DUSP10: variants seen among roughly 807,000 people sequenced by gnomAD.
DUSP10 encodes dual specificity phosphatase 10.
In DUSP10, 14 loss-of-function variants were observed where a neutral mutation model predicts 30.8. The observed-to-expected ratio is 0.46, with a 90% CI of 0.30 to 0.71. DUSP10 has a LOEUF of 0.71. DUSP10 is among the 30% of genes least tolerant of loss of function. DUSP10 has a pLI of 0.08. For synonymous variants in DUSP10, 254 were observed against 250.4 expected (o/e 1.01, Z -0.14); for missense variants, 550 against 619.4 (o/e 0.89, Z 1.19).
intron 2 of DUSP10, among the ~76,000 whole-genome samples, chr1:221,711,338 ACAG>A (rs1438041821): frequency 6.6e-6 from 1 of 152,218 alleles, no homozygotes; most frequent in Non-Finnish European, 1.5e-5. Flanking sequence ...CTAAAGGTGG[ACAG>A]CCCTTTTTGG....
chr1:221,728,100 G>A (rs1661477939), intron 2 of DUSP10, among the ~76,000 whole-genome samples: 1 of 152,150 alleles, frequency 6.6e-6, no homozygotes, highest in Non-Finnish European at 1.5e-5. Context: ...TTTTCTCACT[G>A]TCTTACACAC....
intron 1 of DUSP10, 25 bp downstream of exon 1, chr1:221,741,956 A>T (rs1187198238): frequency 1.3e-5 from 2 of 152,434 alleles, no homozygotes; most frequent in African/African-American, 4.8e-5. Context: ...GGCTCTCAGG[A>T]GTAGTCGCGG....
chr1:221,721,104 A>G (rs1340772409), intron 2 of DUSP10, among the ~76,000 whole-genome samples: 1 of 152,226 alleles, frequency 6.6e-6, no homozygotes, highest in Non-Finnish European at 1.5e-5. Context: ...ACAGGCAACA[A>G]TAGTTATTGC....
At position 221,702,393 on chromosome 1, in the gene DUSP10, CTT is replaced by C; in HGVS notation, c.*17_*18del. 1 of 1,611,220 alleles carries C rather than the reference CTT, an allele frequency of 6.2e-7. No homozygotes were observed. The highest frequency in any genetic ancestry group is 8.5e-7 in the Non-Finnish European group (1 of 1,178,162). On this transcript the variant is annotated 3_prime_UTR_variant, in exon 4 of 4. Transcript: ENST00000366899. The surrounding 1 kb of genome is among the most constrained non-coding windows in gnomAD (Gnocchi z 4.5). ...TGTCTCCTAATGGAGAGCAGCAATC[CTT>C]TCCATCCAGACCATTGTCACACAAC...
chr1:221,712,250 C>T lies in DUSP10; in HGVS notation c.812-5784G>A, dbSNP rs183658478. 2.2e-3 allele frequency among the ~76,000 whole-genome samples: 334 copies of T among 152,190 alleles called. 3 individuals carry two copies. Among genetic ancestry groups the T allele is most frequent in the Admixed American group, 4.2e-3 (64 of 15,288 alleles). ...GTCTTAGGATCTTGCCCCCAGGGAA[C>T]TTGTATTTCTTTCCCAAGAAGAGTA... is the stretch of plus-strand genomic sequence containing the variant. On this transcript the variant is annotated intron_variant, in intron 2 of 3. Transcript: ENST00000366899.
intron 2 of DUSP10, among the ~76,000 whole-genome samples, chr1:221,729,922 T>G (rs1375412971): frequency 1.3e-5 from 2 of 152,216 alleles, no homozygotes; most frequent in East Asian, 3.8e-4. Context: ...AGTCTTATTC[T>G]TTTAAGACAG....
At position 221,702,633 on chromosome 1, in the gene DUSP10, C is replaced by G; in HGVS notation, c.1228G>C (p.Ala410Pro). 1 of 1,614,100 alleles carries G rather than the reference C, an allele frequency of 6.2e-7. No homozygotes were observed. Among genetic ancestry groups the G allele is most frequent in the Non-Finnish European group, 8.5e-7 (1 of 1,180,020 alleles). ...ATGGTGGCGGAGCGGGACACCCCAG[C>G]CTGGCAGTGGATGAGAAGCCCCTTC... ...CGKGLLIHCQ[A>P]GVSRSATIVI... The change falls in exon 4 of 4, where the codon GCT becomes CCT. Residue 410 changes from alanine to proline, a missense_variant. Physicochemically the swap from Ala to Pro is conservative, Grantham distance 27. Coordinates refer to ENST00000366899, the MANE Select transcript of DUSP10 (RefSeq NM_007207.6). This position sits in a 1 kb window ranked among gnomAD's most constrained non-coding sequence, Gnocchi z 4.5.
intron 2 of DUSP10, among the ~76,000 whole-genome samples, chr1:221,730,550 A>T (rs998621643): frequency 2.6e-5 from 4 of 152,210 alleles, no homozygotes; most frequent in African/African-American, 9.6e-5. Context: ...CGGTGGCCTG[A>T]GTAGGCCTTT....
rs143436731 is a variant in DUSP10, at chr1:221,739,151, A to C, written c.594T>G (p.Asp198Glu). ...IQGAVHINCA[D>E]KISRRRLQQG... ...GCTGCAGTCTCCGCCGGCTGATCTTATCGGCACAGTTAATGTGGACAGCTC... is the reference window on the plus strand; with the variant it reads ...GCTGCAGTCTCCGCCGGCTGATCTTCTCGGCACAGTTAATGTGGACAGCTC... Residue 198 changes from aspartate (D) to glutamate (E), a missense_variant, in exon 2 of 4, where the codon GAT becomes GAG. Asp to Glu is a conservative substitution (Grantham distance 45). Transcript: ENST00000366899. 1 of 1,614,116 alleles carries C rather than the reference A, an allele frequency of 6.2e-7. No individual in the cohort carries two copies. Among genetic ancestry groups the C allele is most frequent in the Non-Finnish European group, 8.5e-7 (1 of 1,180,052 alleles).
chr1:221,704,801 T>C (rs375964029), intron 3 of DUSP10, among the ~76,000 whole-genome samples: 10 of 152,240 alleles, frequency 6.6e-5, no homozygotes, highest in African/African-American at 1.9e-4. Flanking sequence ...TCAGACTCAA[T>C]ATTCCATGGT....
chr1:221,719,594 G>A lies in DUSP10; in HGVS notation c.812-13128C>T, dbSNP rs186174644. On this transcript the variant is annotated intron_variant, in intron 2 of 3. Coordinates refer to ENST00000366899, the MANE Select transcript of DUSP10 (RefSeq NM_007207.6). Reference sequence around the variant, plus strand: ...GGCTGGAATTACATATTGTCAACATGGACTTGAGGCTAAGTGAAGGACCAG... The same window carrying A: ...GGCTGGAATTACATATTGTCAACATAGACTTGAGGCTAAGTGAAGGACCAG... 1.2e-3 allele frequency among the ~76,000 whole-genome samples: 179 copies of A among 152,308 alleles called. 1 individual carries two copies. Among genetic ancestry groups the A allele is most frequent in the African/African-American group, 3.8e-3 (157 of 41,558 alleles).
At chr1:221,717,504 A>G (rs1266883204) in intron 2 of DUSP10, among the ~76,000 whole-genome samples, 1 of 152,110 alleles carries the variant, frequency 6.6e-6, no homozygotes, top group Non-Finnish European at 1.5e-5. Context: ...CAAATGGTGT[A>G]ATTTACATAC....
At chr1:221,707,099 C>T (rs531590729) in intron 2 of DUSP10, among the ~76,000 whole-genome samples, 2 of 152,272 alleles carry the variant, frequency 1.3e-5, no homozygotes, top group African/African-American at 4.8e-5. Context: ...GTGATGGTGT[C>T]TCCCTTTGAG....
intron 2 of DUSP10, among the ~76,000 whole-genome samples, chr1:221,718,585 C>T (rs1282733555): frequency 6.6e-6 from 1 of 152,156 alleles, no homozygotes; most frequent in Non-Finnish European, 1.5e-5. Context: ...CATTAAGTCT[C>T]TAAAGAATGT....
chr1:221,730,581 G>T (rs1431932255), intron 2 of DUSP10, among the ~76,000 whole-genome samples: 2 of 152,158 alleles, frequency 1.3e-5, no homozygotes, highest in Non-Finnish European at 2.9e-5. Flanking sequence ...AAACATTAAG[G>T]GCAATGCAGA....
In DUSP10 at chr1:221,722,862, A is replaced by G. The variant is rs540982388; in HGVS notation, c.811+16072T>C. Among the ~76,000 whole-genome samples the G allele has an allele frequency of 2.0e-5, 3 of 152,342 alleles. 1 individual carries two copies. In the South Asian group the frequency reaches 6.2e-4, roughly 32 times the overall value. On this transcript the variant is annotated intron_variant, in intron 2 of 3. Transcript: ENST00000366899. ...AAGAAACTAAACCAAAATAAATAAA[A>G]CACATGGATCTTGGCTTAAAAATCC...
chr1:221,714,670 C>G (rs1224069034), intron 2 of DUSP10, among the ~76,000 whole-genome samples: 1 of 152,168 alleles, frequency 6.6e-6, no homozygotes, highest in Non-Finnish European at 1.5e-5. Flanking sequence ...CACCACCAGT[C>G]GGCCTTTTTC....
At chr1:221,708,080 A>G (rs1660819597) in intron 2 of DUSP10, among the ~76,000 whole-genome samples, 1 of 152,164 alleles carries the variant, frequency 6.6e-6, no homozygotes, top group Admixed American at 6.5e-5. Flanking sequence ...AACTAGATAC[A>G]CTCTGGCTTT....
chr1:221,712,271 G>A (rs1200524575), intron 2 of DUSP10, among the ~76,000 whole-genome samples: 2 of 152,302 alleles, frequency 1.3e-5, no homozygotes, highest in East Asian at 1.9e-4. Context: ...TTCCCAAGAA[G>A]AGTAAAGGGA....
Sources: allele counts gnomAD v4.1 joint callset (sites outside exome capture counted in the v4.1 genomes callset), GRCh38; gene constraint gnomAD v4.1.1; non-coding constraint Gnocchi (gnomAD v3.1); transcripts MANE v1.5; gene names NCBI Gene and HGNC (gene_info 2026-07-23, HGNC 2026-07-21).